Variants in UVSSA observed in about 807,000 individuals in gnomAD.
UVSSA encodes UV stimulated scaffold protein A, also known as UV-stimulated scaffold protein A.
Under a neutral mutation model 73.9 loss-of-function variants are expected in UVSSA, and 72 were observed. The ratio of observed to expected loss-of-function variants is 0.97; its 90% CI spans 0.81 to 1.19. The LOEUF is 1.19. UVSSA is among the 50% of genes most tolerant of loss of function. The pLI is 0.00. For synonymous variants in UVSSA, 454 were observed against 391.3 expected, an observed-to-expected ratio of 1.16 and a Z score of -1.89; for missense variants, 1,150 against 965.0, an observed-to-expected ratio of 1.19 and a Z score of -2.54.
At chr4:1,368,977 A>T (rs1307232796) in intron 8 of UVSSA, among the ~76,000 whole-genome samples, 1 of 151,994 alleles carries the variant, frequency 6.6e-6, no homozygotes, top group Non-Finnish European at 1.5e-5. Flanking sequence ...GGTGGAGGGG[A>T]GGGTGCCTTA....
rs983521348 is a variant in UVSSA, at chr4:1,387,555, A to G, written c.*1594A>G. The stretch of plus-strand genomic sequence containing the variant: ...TCCAAGATCACAGAGATTTACACCT[A>G]GTTTCTAATAAGCATTTTATAATTT... On this transcript the variant is annotated 3_prime_UTR_variant, in exon 14 of 14. Transcript: ENST00000389851. 1 of 152,194 alleles carries G rather than the reference A, an allele frequency of 6.6e-6. No homozygotes were observed. Among genetic ancestry groups the G allele is most frequent in the Non-Finnish European group, 1.5e-5 (1 of 68,044 alleles). 9.4% of individuals were successfully genotyped at this position (152,194 alleles called of 1,614,324 possible). A position where few individuals can be genotyped will look rare whatever the true frequency, so the allele number is the denominator to read the frequency against.
chr4:1,358,733 G>C (rs1383659834), intron 7 of UVSSA, among the ~76,000 whole-genome samples: 1 of 152,254 alleles, frequency 6.6e-6, no homozygotes, highest in East Asian at 1.9e-4. Context: ...TATGGACGAG[G>C]TGCTCCTCGT....
intron 6 of UVSSA, 130 bp from the exon 7 acceptor site, chr4:1,354,987 C>T (rs1221904156): frequency 4.6e-6 from 7 of 1,528,814 alleles, no homozygotes; most frequent in East Asian, 2.4e-5. Context: ...TCACCCGCAG[C>T]TTTGTCCTCT....
chr4:1,352,641 C>G (rs542988170), intron 4 of UVSSA, among the ~76,000 whole-genome samples: 44 of 152,346 alleles, frequency 2.9e-4, no homozygotes, highest in African/African-American at 1.0e-3. Flanking sequence ...GCTGGGTGCT[C>G]TAGTAAGCGG....
chr4:1,394,938 TGCGGA>T lies in UVSSA; in HGVS notation c.*8979_*8983del. On this transcript the variant is annotated 3_prime_UTR_variant, in exon 14 of 14. Coordinates refer to the UVSSA transcript ENST00000511216. Reference sequence around the variant, plus strand: ...GTGCCCGCCTGCTCACACGTGCCCATGCGGAGTGCCCGCCTGCTCACACGTGCCCA... The same window carrying T: ...GTGCCCGCCTGCTCACACGTGCCCATGTGCCCGCCTGCTCACACGTGCCCA... 7.3e-6 allele frequency: 9 copies of T among 1,229,668 alleles called. No homozygotes were observed. The Admixed American group carries it at 1.5e-4, about 20-fold the overall frequency. The allele number at this position is 1,229,668 out of a possible 1,614,324, so 76.2% of individuals were successfully genotyped here. A position where few individuals can be genotyped will look rare whatever the true frequency, so the allele number is the denominator to read the frequency against.
chr4:1,380,586 A>C, intron 11 of UVSSA: 1 of 1,401,898 alleles, frequency 7.1e-7, no homozygotes, highest in African/African-American at 1.4e-5. Context: ...CCAGCCGGGC[A>C]GCTGGGCATG....
downstream of UVSSA, chr4:1,390,134 T>C (rs575761024): frequency 6.6e-6 from 1 of 152,340 alleles, no homozygotes; most frequent in East Asian, 1.9e-4. Context: ...AGCACTGATT[T>C]ACTTCATCCC....
chr4:1,352,680 G>T (rs886413261), intron 4 of UVSSA, among the ~76,000 whole-genome samples: 13 of 152,232 alleles, frequency 8.5e-5, no homozygotes, highest in Non-Finnish European at 1.6e-4. Flanking sequence ...GACTGGGCGC[G>T]GTGACTCATG....
At chr4:1,349,041 T>TGCCGGGCGGTGGGC (rs71168832) in intron 2 of UVSSA, among the ~76,000 whole-genome samples, 2 of 120,578 alleles carry the variant, frequency 1.7e-5, no homozygotes, top group African/African-American at 7.7e-5. Context: ...AGGCGGTGTG[T>TGCCGGGCGGTGGGC]GTTTGTGCCG....
intron 10 of UVSSA, among the ~76,000 whole-genome samples, chr4:1,377,571 C>T (rs1466198466): frequency 4.1e-5 from 5 of 121,880 alleles, no homozygotes; most frequent in Admixed American, 1.7e-4. Flanking sequence ...TGGGAGGTGA[C>T]GCCCAGCAAA....
intron 10 of UVSSA, among the ~76,000 whole-genome samples, chr4:1,379,522 C>G (rs1014816800): frequency 2.0e-5 from 3 of 152,236 alleles, no homozygotes; most frequent in Non-Finnish European, 2.9e-5. Context: ...GCAGTGGAGT[C>G]TGGTCTCCAG....
rs1303232928 is a variant in UVSSA at position 1,367,029 on chromosome 4, G to A, written c.1288+598G>A. Among the ~76,000 whole-genome samples, 6 of 152,296 alleles carry A rather than the reference G, an allele frequency of 3.9e-5. No individual in the cohort carries two copies. In the East Asian group the frequency reaches 9.6e-4, roughly 24 times the overall value. Reference sequence around the variant, plus strand: ...CCGCGCCTTCCAGGCTCCCATCCCCGCTTACGGGGGTCACAAGCACAGGCA... The same window carrying A: ...CCGCGCCTTCCAGGCTCCCATCCCCACTTACGGGGGTCACAAGCACAGGCA... On this transcript the variant is annotated intron_variant, in intron 8 of 13. Transcript: ENST00000389851.
At chr4:1,355,992 A>C (rs1346844012) in intron 7 of UVSSA, among the ~76,000 whole-genome samples, 1 of 152,102 alleles carries the variant, frequency 6.6e-6, no homozygotes, top group East Asian at 1.9e-4. Context: ...GGTCCTCTGC[A>C]GACGTCCTCG....
exon 14 of UVSSA, chr4:1,394,772 C>T (rs753302264): frequency 2.5e-6 from 4 of 1,578,064 alleles, no homozygotes; most frequent in African/African-American, 2.9e-5. Flanking sequence ...CCCACCTGCT[C>T]ACATGTGCCG....
At chr4:1,369,474 GA>G (rs1717759455) in intron 8 of UVSSA, among the ~76,000 whole-genome samples, 1 of 152,270 alleles carries the variant, frequency 6.6e-6, no homozygotes, top group Non-Finnish European at 1.5e-5. Context: ...AAACGTGGGC[GA>G]ATCTGAAGTA....
rs962120669 is a variant in UVSSA, at chr4:1,347,220, C to T, written c.-543C>T. 2.6e-5 allele frequency: 4 copies of T among 152,422 alleles called. No individual in the cohort carries two copies. Among genetic ancestry groups the T allele is most frequent in the African/African-American group, 4.8e-5 (2 of 41,570 alleles). 9.4% of individuals were successfully genotyped at this position (152,422 alleles called of 1,614,324 possible). A position where few individuals can be genotyped will look rare whatever the true frequency, so the allele number is the denominator to read the frequency against. ...GAAGGGGCGGGGCGAGGCGAGCGGC[C>T]GCGTCAGCGGTAGGTGGGGCTGTGG... On this transcript the variant is annotated 5_prime_UTR_variant, in exon 1 of 14. Coordinates refer to ENST00000389851, the MANE Select transcript of UVSSA (RefSeq NM_020894.4).
intron 11 of UVSSA, 131 bp downstream of exon 11, chr4:1,380,361 G>C (rs1719332210): frequency 8.1e-7 from 1 of 1,232,130 alleles, no homozygotes; most frequent in Non-Finnish European, 1.1e-6. Context: ...CATGGAAGGG[G>C]CTTATCCGTG....
rs139472628 is a variant in UVSSA at position 1,365,940 on chromosome 4, C to T, written c.1177-380C>T. The T allele has an allele frequency of 6.3e-3, 1,043 of 164,940 alleles. 12 individuals are homozygous for T. Among genetic ancestry groups the T allele is most frequent in the African/African-American group, 0.024 (993 of 41,846 alleles). The allele number at this position is 164,940 out of a possible 1,614,324, so 10.2% of individuals were successfully genotyped here. A position where few individuals can be genotyped will look rare whatever the true frequency, so the allele number is the denominator to read the frequency against. ...CCCTAAGCCTCGGGGGCACCACAGA[C>T]GCACCTGCTCCACCTGGTGGGAAGA... On this transcript the variant is annotated intron_variant, in intron 7 of 13. Coordinates refer to ENST00000389851, the MANE Select transcript of UVSSA (RefSeq NM_020894.4).
intron 4 of UVSSA, among the ~76,000 whole-genome samples, chr4:1,352,430 G>A (rs1714923870): frequency 6.6e-6 from 1 of 152,256 alleles, no homozygotes; most frequent in Admixed American, 6.5e-5. Flanking sequence ...AAGGCAGGCA[G>A]CTGGGTGCCC....
Sources: allele counts gnomAD v4.1 joint callset (sites outside exome capture counted in the v4.1 genomes callset), GRCh38; gene constraint gnomAD v4.1.1; transcripts MANE v1.5; gene names NCBI Gene and HGNC (gene_info 2026-07-23, HGNC 2026-07-21).